The following VPS13C variants were observed in gnomAD, a reference collection of about 807,000 sequenced individuals.
VPS13C encodes intermembrane lipid transfer protein VPS13C.
VPS13C carries 358 observed loss-of-function variants against 456.8 expected under a neutral mutation model. The observed-to-expected ratio is 0.78, with a 90% CI of 0.72 to 0.86. VPS13C has a LOEUF of 0.86. VPS13C is among the 40% of genes least tolerant of loss of function. VPS13C has a pLI of 0.00. For missense variants in VPS13C, 4,818 were observed against 4,385.4 expected, an observed-to-expected ratio of 1.10 and a Z score of -2.79; for synonymous variants, 1,578 against 1,486.7, an observed-to-expected ratio of 1.06 and a Z score of -1.41.
intron 1 of VPS13C, among the ~76,000 whole-genome samples, chr15:62,050,012 T>C (rs907940149): frequency 6.6e-6 from 1 of 152,190 alleles, no homozygotes; most frequent in African/African-American, 2.4e-5. Flanking sequence ...GCTGAGACGA[T>C]GGGGTTTTCT....
At chr15:61,871,180 A>G (rs909653438) in intron 79 of VPS13C, among the ~76,000 whole-genome samples, 2 of 152,182 alleles carry the variant, frequency 1.3e-5, no homozygotes, top group Non-Finnish European at 2.9e-5. Context: ...TGCCTAATCC[A>G]AAGTCATGAA....
At position 61,922,704 on chromosome 15, in the gene VPS13C, G is replaced by C; in HGVS notation, c.6668C>G (p.Thr2223Arg). The stretch of plus-strand genomic sequence containing the variant: ...CGTATCTTTGGATCCATCTTCTTTT[G>C]TTTTTGGAGACAATGCAGCCATGAT... ...LTIMAALSPK[T>R]KEDGSKDTSK... Residue 2223 changes from threonine (T) to arginine (R), a missense_variant, in exon 54 of 85, where the codon ACA becomes AGA. Thr to Arg is a moderately conservative substitution (Grantham distance 71, BLOSUM62 -1). Coordinates refer to ENST00000644861, the MANE Select transcript of VPS13C (RefSeq NM_020821.3). The C allele has an allele frequency of 6.2e-7, 1 of 1,613,564 alleles. No homozygotes were observed.
intron 9 of VPS13C, among the ~76,000 whole-genome samples, chr15:62,019,957 T>C (rs1039642955): frequency 6.7e-6 from 1 of 149,204 alleles, no homozygotes; most frequent in African/African-American, 2.4e-5. Context: ...CCTATATATA[T>C]ATATACATAT....
In VPS13C at chr15:61,963,951, G is replaced by A. The variant is rs763000050; in HGVS notation, c.3215C>T (p.Ala1072Val). 3.2e-6 allele frequency: 5 copies of A among 1,578,146 alleles called. No homozygotes were observed. The highest frequency in any genetic ancestry group is 1.1e-5 in the South Asian group (1 of 88,854). ...GTCACTATCTCTGGAGGATACAATC[G>A]CTAAAAATAAAACAAAGCATCTGTC... ...KQQKNSTLPKAIVSSRDSDII... is the reference protein window; with the variant it reads ...KQQKNSTLPKVIVSSRDSDII... Residue 1072 changes from alanine (A) to valine (V), a missense_variant and splice_region_variant, in exon 32 of 85, where the codon GCG (alanine) becomes GTG (valine). Around this residue, in one of 3 missense-constraint regions of VPS13C, gnomAD observed 4,552 missense variants for 4,130.6 expected, o/e 1.10. Coordinates refer to ENST00000644861, the MANE Select transcript of VPS13C (RefSeq NM_020821.3).
At chr15:62,050,528 T>G (rs1196453995) in intron 1 of VPS13C, among the ~76,000 whole-genome samples, 1 of 152,196 alleles carries the variant, frequency 6.6e-6, no homozygotes, top group East Asian at 1.9e-4. Context: ...GTGCAGTGAG[T>G]GGCTCATGCC....
At position 62,004,037 on chromosome 15, in the gene VPS13C, A is replaced by G. The variant is rs1409823628; in HGVS notation, c.1290+3271T>C. ...TATCAGGATGATGCTGGACTCATAA[A>G]ATGAGTTAGGGAGGATTCCCTCTTT... On this transcript the variant is annotated intron_variant, in intron 15 of 84. Coordinates refer to ENST00000644861, the MANE Select transcript of VPS13C (RefSeq NM_020821.3). 2.2e-4 allele frequency among the ~76,000 whole-genome samples: 33 copies of G among 152,190 alleles called. No homozygotes were observed. The South Asian group carries it at 3.5e-3, about 16-fold the overall frequency.
intron 67 of VPS13C, among the ~76,000 whole-genome samples, chr15:61,884,917 C>G (rs1466302392): frequency 6.6e-6 from 1 of 152,034 alleles, no homozygotes; most frequent in Non-Finnish European, 1.5e-5. Context: ...AAATTCTTCT[C>G]TTGATATTTG....
chr15:61,881,668 G>T (rs1299471182), intron 70 of VPS13C, 36 bp from the exon 71 acceptor site: 2 of 1,604,250 alleles, frequency 1.2e-6, no homozygotes, highest in Non-Finnish European at 8.5e-7. Flanking sequence ...AAAAAATAAT[G>T]CTTTATACTA....
intron 81 of VPS13C, among the ~76,000 whole-genome samples, 180 bp downstream of exon 81, chr15:61,868,477 ATC>A (rs1894755284): frequency 2.6e-5 from 4 of 152,196 alleles, no homozygotes; most frequent in Admixed American, 6.5e-5. Context: ...TAGAAAAAAA[ATC>A]ATCTGTAATT....
intron 6 of VPS13C, among the ~76,000 whole-genome samples, chr15:62,025,723 A>G (rs1245121608): frequency 2.0e-5 from 3 of 152,124 alleles, no homozygotes; most frequent in Non-Finnish European, 2.9e-5. Flanking sequence ...TAATTAATCC[A>G]ATAAATAATA....
chr15:61,868,564 C>T (rs1358450639), intron 81 of VPS13C, 95 bp downstream of exon 81: 6 of 1,001,776 alleles, frequency 6.0e-6, no homozygotes, highest in African/African-American at 1.6e-5. Context: ...TAAAGCAGTT[C>T]AAGAATCAGG....
chr15:62,041,047 T>G (rs1339794584), intron 3 of VPS13C, among the ~76,000 whole-genome samples: 1 of 152,160 alleles, frequency 6.6e-6, no homozygotes, highest in Non-Finnish European at 1.5e-5. Context: ...AAATCTAATC[T>G]GAAAATGAAG....
intron 80 of VPS13C, 148 bp from the exon 81 acceptor site, chr15:61,868,921 A>T: frequency 1.5e-6 from 1 of 666,580 alleles, no homozygotes; most frequent in Non-Finnish European, 2.5e-6. Context: ...ATTAAAACCA[A>T]GTCTGTCTGA....
intron 81 of VPS13C, chr15:61,864,681 A>G: frequency 1.0e-6 from 1 of 985,532 alleles, no homozygotes; most frequent in Non-Finnish European, 1.2e-6. Context: ...ATGAATAAGG[A>G]AGAGGAATCC....
In VPS13C at chr15:61,877,046, T is replaced by A; in HGVS notation, c.10151A>T (p.Tyr3384Phe). ...DVDDLIFKLA[Y>F]YEIRYQFYKR... ...GTAGAACTGATATCGAATTTCATAA[T>A]AAGCAAGTCTGGGAGGAGAAAAAGG... is the stretch of plus-strand genomic sequence containing the variant. The change falls in exon 75 of 85, where the codon TAT becomes TTT. Residue 3384 changes from tyrosine to phenylalanine, a missense_variant. Tyr to Phe is a conservative substitution (Grantham distance 22). This residue lies in a region of VPS13C where 4,552 missense variants were observed against 4,130.6 expected (regional missense o/e 1.10). Transcript: ENST00000644861. The A allele has an allele frequency of 6.2e-7, 1 of 1,605,958 alleles. No individual in the cohort carries two copies. Among genetic ancestry groups the A allele is most frequent in the Non-Finnish European group, 8.5e-7 (1 of 1,175,728 alleles).
chr15:62,033,647 C>A, intron 4 of VPS13C, 105 bp from the exon 5 acceptor site: 1 of 584,488 alleles, frequency 1.7e-6, no homozygotes, highest in Non-Finnish European at 2.7e-6. Flanking sequence ...AATCCTTCTG[C>A]AATACAAAAA....
chr15:62,002,293 G>GT (rs953516023), intron 15 of VPS13C, among the ~76,000 whole-genome samples: 4 of 152,132 alleles, frequency 2.6e-5, no homozygotes, highest in African/African-American at 9.7e-5. Flanking sequence ...TTTTTCATGT[G>GT]TTTTTTGGCA....
chr15:61,941,688 AT>A, intron 46 of VPS13C, 74 bp downstream of exon 46: 4 of 1,436,198 alleles, frequency 2.8e-6, no homozygotes, highest in Non-Finnish European at 3.7e-6. Flanking sequence ...TTACTACAAC[AT>A]TTTACCTTAG....
intron 74 of VPS13C, among the ~76,000 whole-genome samples, chr15:61,878,370 C>T (rs1895608851): frequency 6.6e-6 from 1 of 151,480 alleles, no homozygotes; most frequent in Admixed American, 6.6e-5. Flanking sequence ...ATTCTACATC[C>T]ATGTATTATC....
Sources: allele counts gnomAD v4.1 joint callset (sites outside exome capture counted in the v4.1 genomes callset), GRCh38; gene constraint gnomAD v4.1.1; regional missense constraint gnomAD v4.1.1; transcripts MANE v1.5; gene names NCBI Gene and HGNC (gene_info 2026-07-23, HGNC 2026-07-21).